The following JADE1 variants were observed in gnomAD, a reference collection of about 807,000 sequenced individuals.
The protein encoded by JADE1 is jade family PHD finger 1.
A neutral mutation model predicts 81.8 loss-of-function variants in JADE1; 14 were observed. The ratio of observed to expected loss-of-function variants is 0.17; its 90% CI spans 0.11 to 0.27. The LOEUF (loss-of-function observed/expected upper bound fraction) is 0.27, where lower values mean the gene tolerates loss of function less well. Among genes scored for constraint, JADE1 ranks in the 10% least tolerant of loss-of-function variants. JADE1 has a pLI of 1.00. For synonymous variants in JADE1, 353 were observed against 391.9 expected (o/e 0.90, Z 1.17); for missense variants, 690 against 1,047.9 (o/e 0.66, Z 4.71).
At chr4:128,861,637 C>G (rs1386159833) in intron 8 of JADE1, 67 bp from the exon 9 acceptor site, 1 of 1,547,386 alleles carries the variant, frequency 6.5e-7, no homozygotes, top group African/African-American at 1.4e-5. Flanking sequence ...GTGCCTAGCA[C>G]TGCAGGCCTT....
At chr4:128,849,371 A>G (rs17013817) in intron 5 of JADE1, among the ~76,000 whole-genome samples, 3,637 of 152,220 alleles carry the variant, frequency 0.024, 116 homozygotes, top group African/African-American at 0.074. Context: ...AGTGGAAGCA[A>G]GGCTCCTCGG....
Position 128,873,081 on chromosome 4 carries a change from G to T in JADE1, c.*819G>T, listed in dbSNP as rs563083309. On this transcript the variant is annotated 3_prime_UTR_variant, in exon 11 of 11. Transcript: ENST00000226319. ...AACCACTGGCTCTTGAGCCAGCTTG[G>T]GATTTCCCTGGCCATTGCCAATACC... 6 of 343,072 alleles carry T rather than the reference G, an allele frequency of 1.7e-5. No homozygotes were observed. The highest frequency in any genetic ancestry group is 3.0e-5 in the Non-Finnish European group (5 of 168,062). 21.3% of individuals were successfully genotyped at this position (343,072 alleles called of 1,614,324 possible).
chr4:128,860,942 T>C (rs1301084894), intron 8 of JADE1, among the ~76,000 whole-genome samples: 2 of 152,212 alleles, frequency 1.3e-5, no homozygotes, highest in Non-Finnish European at 2.9e-5. Flanking sequence ...TGTGAAGACC[T>C]TTCCCTACCT....
chr4:128,872,870 G>T lies in JADE1; in HGVS notation c.*608G>T, dbSNP rs765136322. On this transcript the variant is annotated 3_prime_UTR_variant, in exon 11 of 11. Coordinates refer to ENST00000226319, the MANE Select transcript of JADE1 (RefSeq NM_199320.4). ...AAAGGTCATTATTGAAGAAGCTGAGGGGACAGGGTAGAGCTGCTGCAATAT... is the reference window on the plus strand; with the variant it reads ...AAAGGTCATTATTGAAGAAGCTGAGTGGACAGGGTAGAGCTGCTGCAATAT... 5 of 453,750 alleles carry T rather than the reference G, an allele frequency of 1.1e-5. No individual in the cohort carries two copies. The highest frequency in any genetic ancestry group is 6.2e-5 in the South Asian group (4 of 64,290). The allele number at this position is 453,750 out of a possible 1,614,324, so 28.1% of individuals were successfully genotyped here.
intron 3 of JADE1, among the ~76,000 whole-genome samples, chr4:128,845,650 C>CA (rs1729806075): frequency 6.6e-6 from 1 of 152,090 alleles, no homozygotes; most frequent in Non-Finnish European, 1.5e-5. Flanking sequence ...AGCAGTGGCT[C>CA]ATGCTTGTAA....
intron 9 of JADE1, among the ~76,000 whole-genome samples, chr4:128,865,872 A>C (rs560301522): frequency 1.7e-3 from 261 of 152,324 alleles, no homozygotes; most frequent in Middle Eastern, 6.8e-3. Context: ...AGTAAGAGAG[A>C]TGTAAGTATT....
chr4:128,818,310 G>A (rs1280914384), intron 1 of JADE1, among the ~76,000 whole-genome samples: 4 of 151,960 alleles, frequency 2.6e-5, no homozygotes, highest in Admixed American at 2.6e-4. Context: ...TAGTAGAGAC[G>A]AGGTTTCACC....
At chr4:128,812,521 C>T (rs1390736434) in intron 1 of JADE1, among the ~76,000 whole-genome samples, 3 of 152,118 alleles carry the variant, frequency 2.0e-5, no homozygotes, top group Non-Finnish European at 4.4e-5. Flanking sequence ...GCTCCTTATT[C>T]TCGAGTCCTC....
intron 1 of JADE1, among the ~76,000 whole-genome samples, chr4:128,818,477 C>T (rs1215081635): frequency 1.3e-5 from 2 of 152,082 alleles, no homozygotes; most frequent in African/African-American, 4.8e-5. Flanking sequence ...TGTAAGCTTT[C>T]GGTTGCTTGT....
intron 3 of JADE1, among the ~76,000 whole-genome samples, chr4:128,843,408 A>G (rs1729613583): frequency 6.6e-6 from 1 of 152,132 alleles, no homozygotes; most frequent in African/African-American, 2.4e-5. Context: ...CTGCCAAGTC[A>G]CTGCCAGCCT....
At position 128,846,658 on chromosome 4, in the gene JADE1, G is replaced by C. The variant is rs1729897071; in HGVS notation, c.296+126G>C. On this transcript the variant is annotated intron_variant, in intron 4 of 10. Coordinates refer to ENST00000226319, the MANE Select transcript of JADE1 (RefSeq NM_199320.4). The surrounding 1 kb of genome is among the most constrained non-coding windows in gnomAD (Gnocchi z 4.0). ...TTCTGAGTTAGCATTAAAATATCAT[G>C]AGGCCTCAAGTGGAAATAGAAATTC... The C allele has an allele frequency of 3.1e-6, 3 of 978,878 alleles. No individual in the cohort carries two copies. The South Asian group carries it at 4.9e-5, about 16-fold the overall frequency. 60.6% of individuals were successfully genotyped at this position (978,878 alleles called of 1,614,324 possible).
At chr4:128,856,505 G>A (rs1317903681) in intron 7 of JADE1, among the ~76,000 whole-genome samples, 2 of 152,160 alleles carry the variant, frequency 1.3e-5, no homozygotes, top group African/African-American at 4.8e-5. Flanking sequence ...AGCTGTACTT[G>A]AGTTGAGGCA....
At chr4:128,815,272 T>A (rs1726926166) in intron 1 of JADE1, among the ~76,000 whole-genome samples, 2 of 151,840 alleles carry the variant, frequency 1.3e-5, no homozygotes, top group South Asian at 4.2e-4. Flanking sequence ...AGCTAATTTT[T>A]TTGTATTTTT....
In JADE1 at chr4:128,852,260, G is replaced by A. The variant is rs965791701; in HGVS notation, c.688G>A (p.Val230Met). 1 of 1,613,852 alleles carries A rather than the reference G, an allele frequency of 6.2e-7. No homozygotes were observed. Residue 230 changes from valine (V) to methionine (M), a missense_variant, in exon 6 of 11, where the codon GTG (valine) becomes ATG (methionine). Val to Met is a conservative substitution (Grantham distance 21). Transcript: ENST00000226319. ...MVFCDKCNIC[V>M]HQACYGILKV... ...GTTCTGTGACAAATGCAACATCTGT[G>A]TGCACCAGGTATGTGGGGCAGGGAG...
chr4:128,827,993 C>A, intron 1 of JADE1: 2 of 469,806 alleles, frequency 4.3e-6, no homozygotes, highest in Non-Finnish European at 5.6e-6. Flanking sequence ...GTCTTACCAG[C>A]CTCCTCTGAC....
chr4:128,872,145 C>T lies in JADE1; in HGVS notation c.2412C>T (p.Val804=). The change falls in exon 11 of 11, where the codon GTC becomes GTT. Residue 804 remains valine (V), a synonymous_variant. Coordinates refer to ENST00000226319, the MANE Select transcript of JADE1 (RefSeq NM_199320.4). The stretch of plus-strand genomic sequence containing the variant: ...CCGACAATGAGAATGACGGGTATGT[C>T]CCCGATGTGGAAATGAGTGACTCAG... ...LKSDNENDGY[V]PDVEMSDSES... The T allele has an allele frequency of 6.2e-7, 1 of 1,614,134 alleles. No individual in the cohort carries two copies. Among genetic ancestry groups the T allele is most frequent in the Non-Finnish European group, 8.5e-7 (1 of 1,180,024 alleles).
intron 1 of JADE1, among the ~76,000 whole-genome samples, chr4:128,821,017 C>G (rs1267308881): frequency 6.6e-6 from 1 of 152,160 alleles, no homozygotes; most frequent in Admixed American, 6.5e-5. Flanking sequence ...TACCTTCGTT[C>G]ATTCAGAAGC....
intron 1 of JADE1, among the ~76,000 whole-genome samples, chr4:128,826,075 T>A (rs1443918418): frequency 6.6e-6 from 1 of 152,262 alleles, no homozygotes; most frequent in Non-Finnish European, 1.5e-5. Flanking sequence ...AACTCCCAAA[T>A]GCCCACTAAC....
intron 3 of JADE1, among the ~76,000 whole-genome samples, chr4:128,844,727 C>T (rs769294089): frequency 3.9e-5 from 6 of 152,008 alleles, no homozygotes; most frequent in Admixed American, 6.6e-5. Flanking sequence ...TGGTATTACA[C>T]GTGATTTTTG....
Sources: allele counts gnomAD v4.1 joint callset (sites outside exome capture counted in the v4.1 genomes callset), GRCh38; gene constraint gnomAD v4.1.1; non-coding constraint Gnocchi (gnomAD v3.1); transcripts MANE v1.5; gene names NCBI Gene and HGNC (gene_info 2026-07-23, HGNC 2026-07-21).